The following WDR7 variants were observed in gnomAD, a reference collection of about 807,000 sequenced individuals.
WDR7 encodes WD repeat domain 7.
Under a neutral mutation model 169.4 loss-of-function variants are expected in WDR7, and 46 were observed. The observed-to-expected ratio is 0.27, with a 90% confidence interval of 0.21 to 0.35. The LOEUF (loss-of-function observed/expected upper bound fraction) is 0.35, where lower values mean the gene tolerates loss of function less well. Among genes scored for constraint, WDR7 ranks in the 10% least tolerant of loss-of-function variants. The probability of loss-of-function intolerance (pLI) is 1.00; values close to 1 mark genes in which losing one functional copy is unlikely to be tolerated. For synonymous variants in WDR7, 612 were observed against 666.8 expected, an observed-to-expected ratio of 0.92 and a Z score of 1.27; for missense variants, 1,534 against 1,859.3, an observed-to-expected ratio of 0.83 and a Z score of 3.22.
At chr18:56,741,614 CAT>C (rs536423354) in intron 14 of WDR7, among the ~76,000 whole-genome samples, 5 of 152,110 alleles carry the variant, frequency 3.3e-5, no homozygotes, top group Non-Finnish European at 5.9e-5. Flanking sequence ...ATGTGTGCAT[CAT>C]GTGTGTATAT....
intron 20 of WDR7, among the ~76,000 whole-genome samples, chr18:56,857,979 CCT>C (rs764258250): frequency 1.3e-5 from 2 of 152,104 alleles, no homozygotes; most frequent in Non-Finnish European, 2.9e-5. Flanking sequence ...TTGGTCCCCT[CCT>C]CTCTTCTTTT....
intron 25 of WDR7, among the ~76,000 whole-genome samples, chr18:56,955,318 CA>C (rs1326108354): frequency 6.6e-6 from 1 of 152,002 alleles, no homozygotes; most frequent in East Asian, 1.9e-4. Context: ...CATATTAAAA[CA>C]AAAAACTTGA....
At chr18:56,742,619 A>C (rs974345322) in intron 14 of WDR7, among the ~76,000 whole-genome samples, 4 of 152,250 alleles carry the variant, frequency 2.6e-5, no homozygotes, top group Non-Finnish European at 4.4e-5. Flanking sequence ...TTACCTTCAG[A>C]AAATACACTC....
chr18:56,938,423 CAAG>C, intron 23 of WDR7, 107 bp from the exon 24 acceptor site: 1 of 1,376,624 alleles, frequency 7.3e-7, no homozygotes, highest in South Asian at 1.5e-5. Context: ...GACTCACCCA[CAAG>C]AAGTTTATTT....
At chr18:56,964,511 G>A (rs1429982711) in intron 26 of WDR7, among the ~76,000 whole-genome samples, 1 of 151,828 alleles carries the variant, frequency 6.6e-6, no homozygotes, top group Non-Finnish European at 1.5e-5. Flanking sequence ...TCAGCCTCCC[G>A]AGTAGTTGGG....
chr18:56,983,576 G>C (rs1329324494), intron 26 of WDR7, among the ~76,000 whole-genome samples: 28 of 31,274 alleles, frequency 9.0e-4, no homozygotes, highest in African/African-American at 2.1e-3. Flanking sequence ...CACACAGAGA[G>C]AGAGAGAGAG....
chr18:56,681,350 A>G lies in WDR7; in HGVS notation c.304A>G (p.Ile102Val), dbSNP rs2025346853. Residue 102 changes from isoleucine (I) to valine (V), a missense_variant, in exon 4 of 28, where the codon ATT becomes GTT. Ile to Val is a conservative substitution (Grantham distance 29). Coordinates refer to ENST00000254442, the MANE Select transcript of WDR7 (RefSeq NM_015285.3). ...CLWDVSDGRC[I>V]EFTKLACTHT... ...CTGGGATGTGAGTGATGGCAGATGT[A>G]TTGAATTTACAAAATTAGCTTGCAC... 1 of 1,595,260 alleles carries G rather than the reference A, an allele frequency of 6.3e-7. No individual in the cohort carries two copies. The highest frequency in any genetic ancestry group is 1.2e-5 in the South Asian group (1 of 86,892).
At chr18:56,958,168 G>C (rs115510557) in intron 25 of WDR7, among the ~76,000 whole-genome samples, 6 of 152,238 alleles carry the variant, frequency 3.9e-5, no homozygotes, top group African/African-American at 1.4e-4. Flanking sequence ...GTGATTTGCT[G>C]TGCCAGAGTA....
intron 20 of WDR7, among the ~76,000 whole-genome samples, chr18:56,830,163 T>A (rs2045283563): frequency 6.6e-6 from 1 of 152,240 alleles, no homozygotes; most frequent in Non-Finnish European, 1.5e-5. Context: ...TCTTGAATTT[T>A]ATCACAGTGT....
At chr18:56,939,975 G>T (rs1229612527) in intron 25 of WDR7, among the ~76,000 whole-genome samples, 1 of 151,514 alleles carries the variant, frequency 6.6e-6, no homozygotes, top group East Asian at 1.9e-4. Flanking sequence ...ATTATAGCAT[G>T]AAGGGGTATT....
intron 12 of WDR7, among the ~76,000 whole-genome samples, chr18:56,706,014 A>C (rs1022095413): frequency 4.6e-5 from 7 of 152,216 alleles, no homozygotes; most frequent in African/African-American, 1.4e-4. Flanking sequence ...CACAACAAAA[A>C]GAAAATAATG....
intron 1 of WDR7, among the ~76,000 whole-genome samples, chr18:56,663,030 G>A (rs906801571): frequency 2.0e-5 from 3 of 152,174 alleles, no homozygotes; most frequent in Non-Finnish European, 2.9e-5. Context: ...TATTTTCTGT[G>A]AGGGCTCTCT....
chr18:56,804,144 C>T (rs1026276759), intron 19 of WDR7, among the ~76,000 whole-genome samples: 2 of 152,188 alleles, frequency 1.3e-5, no homozygotes, highest in African/African-American at 4.8e-5. Context: ...ATCTTGTATT[C>T]ATCAGGTTTT....
At chr18:56,941,748 C>T (rs2047037790) in intron 25 of WDR7, among the ~76,000 whole-genome samples, 1 of 152,212 alleles carries the variant, frequency 6.6e-6, no homozygotes, top group African/African-American at 2.4e-5. Flanking sequence ...TTTACACTTT[C>T]TCCTCAGGTC....
intron 2 of WDR7, among the ~76,000 whole-genome samples, chr18:56,674,453 A>C (rs1255983830): frequency 6.6e-6 from 1 of 152,066 alleles, no homozygotes; most frequent in Non-Finnish European, 1.5e-5. Context: ...CTGTCTATTC[A>C]GAGTCTTTGC....
At chr18:56,848,937 A>G (rs2045603845) in intron 20 of WDR7, among the ~76,000 whole-genome samples, 1 of 152,182 alleles carries the variant, frequency 6.6e-6, no homozygotes, top group East Asian at 1.9e-4. Context: ...CTTTATAGCA[A>G]TGCCAAAATG....
At position 56,881,778 on chromosome 18, in the gene WDR7, G is replaced by A. The variant is rs141555389; in HGVS notation, c.3526+1613G>A. Reference sequence around the variant, plus strand: ...TTTTTGTATTTTTCATAGAGACGGGGTTTCCCCATGTTGGCCAGGCTGGCC... The same window carrying A: ...TTTTTGTATTTTTCATAGAGACGGGATTTCCCCATGTTGGCCAGGCTGGCC... On this transcript the variant is annotated intron_variant, in intron 21 of 27. Transcript: ENST00000254442. Among the ~76,000 whole-genome samples the A allele has an allele frequency of 9.2e-4, 140 of 152,080 alleles. 1 individual carries two copies. The highest frequency in any genetic ancestry group is 3.0e-3 in the African/African-American group (125 of 41,476).
At chr18:56,728,267 G>T (rs1223400901) in intron 13 of WDR7, among the ~76,000 whole-genome samples, 2 of 152,178 alleles carry the variant, frequency 1.3e-5, no homozygotes, top group East Asian at 3.8e-4. Context: ...TTTGTGAAAA[G>T]ATACTTTGAA....
chr18:56,773,049 T>A (rs548269793), intron 16 of WDR7, among the ~76,000 whole-genome samples: 12 of 152,298 alleles, frequency 7.9e-5, no homozygotes, highest in African/African-American at 2.9e-4. Context: ...ATTATTGCCC[T>A]TTATGTTGCA....
Sources: allele counts gnomAD v4.1 joint callset (sites outside exome capture counted in the v4.1 genomes callset), GRCh38; gene constraint gnomAD v4.1.1; transcripts MANE v1.5; gene names NCBI Gene and HGNC (gene_info 2026-07-23, HGNC 2026-07-21).